SLC28A1: variants seen among roughly 807,000 people sequenced by gnomAD.
SLC28A1 encodes sodium/nucleoside cotransporter 1.
Under a neutral mutation model 74.8 loss-of-function variants are expected in SLC28A1, and 64 were observed. The observed-to-expected ratio is 0.86, with a 90% CI of 0.70 to 1.05. The LOEUF is 1.05. Ranked by LOEUF, SLC28A1 falls within the 50% of genes least tolerant of loss-of-function variation. The pLI, the probability that SLC28A1 is intolerant of heterozygous loss-of-function variation, is 0.00. For missense variants in SLC28A1, 828 were observed against 822.8 expected (o/e 1.01, Z -0.08); for synonymous variants, 359 against 335.0 (o/e 1.07, Z -0.78).
At chr15:84,889,724 C>T (rs1309429170) in intron 4 of SLC28A1, among the ~76,000 whole-genome samples, 2 of 79,516 alleles carry the variant, frequency 2.5e-5, no homozygotes, top group South Asian at 9.9e-4. Flanking sequence ...TTCCTTCCTT[C>T]CTTCCTTCCT....
chr15:84,949,700 T>C (rs903207949), downstream of SLC28A1, among the ~76,000 whole-genome samples: 4 of 151,834 alleles, frequency 2.6e-5, no homozygotes, highest in Non-Finnish European at 4.4e-5. Context: ...TTTGAGCCAC[T>C]GTGCCCAGCC....
At chr15:84,937,140 G>GT (rs564640768) in intron 15 of SLC28A1, among the ~76,000 whole-genome samples, 4,823 of 145,010 alleles carry the variant, frequency 0.033, 95 homozygotes, top group South Asian at 0.096. Context: ...TTGTTTTTTT[G>GT]TTTTTTTTTT....
At chr15:84,964,993 G>A in the SLC28A1 span, among the ~76,000 whole-genome samples, 1 of 152,200 alleles carries the variant, frequency 6.6e-6, no homozygotes, top group East Asian at 1.9e-4. Flanking sequence ...AAGATCCTCA[G>A]TATGGAATGC....
At chr15:84,944,734 A>G (rs199938160) in intron 17 of SLC28A1, 22 bp from the exon 18 acceptor site, 8 of 1,517,888 alleles carry the variant, frequency 5.3e-6, no homozygotes, top group Non-Finnish European at 7.3e-6. Flanking sequence ...GCCCTGCCCC[A>G]CCCACCACTT....
intron 9 of SLC28A1, among the ~76,000 whole-genome samples, chr15:84,913,693 A>T (rs1193747410): frequency 1.3e-5 from 2 of 152,204 alleles, no homozygotes; most frequent in Non-Finnish European, 1.5e-5. Flanking sequence ...CTCCAAAGCC[A>T]TTTCTACAAG....
intron 5 of SLC28A1, among the ~76,000 whole-genome samples, chr15:84,892,520 C>T (rs1446073851): frequency 1.3e-5 from 2 of 152,176 alleles, no homozygotes; most frequent in Non-Finnish European, 2.9e-5. Flanking sequence ...AAAATTACCC[C>T]ACTCATCCTA....
chr15:84,944,421 C>A, intron 16 of SLC28A1, 145 bp from the exon 17 acceptor site: 1 of 705,086 alleles, frequency 1.4e-6, no homozygotes, highest in Admixed American at 2.0e-5. Flanking sequence ...CTGAGCTCAG[C>A]AAGCTGTCAG....
intron 5 of SLC28A1, among the ~76,000 whole-genome samples, chr15:84,891,127 G>A (rs1008831162): frequency 6.6e-6 from 1 of 152,174 alleles, no homozygotes; most frequent in Non-Finnish European, 1.5e-5. Flanking sequence ...GAGAGCCACT[G>A]AAGGTTTTGA....
At chr15:84,888,205 T>C (rs1345236794) in intron 3 of SLC28A1, among the ~76,000 whole-genome samples, 1 of 152,030 alleles carries the variant, frequency 6.6e-6, no homozygotes, top group Non-Finnish European at 1.5e-5. Context: ...GGGGGGTCTC[T>C]AAGGAAATCT....
intron 1 of SLC28A1, chr15:84,885,998 A>G: frequency 3.3e-6 from 1 of 305,042 alleles, no homozygotes; most frequent in Non-Finnish European, 4.8e-6. Context: ...TATGCATCAT[A>G]GAGGATTTTG....
In SLC28A1 at chr15:84,924,067, C is replaced by T; in HGVS notation, c.1040C>T (p.Ala347Val). 1.2e-6 allele frequency: 2 copies of T among 1,613,986 alleles called. No individual in the cohort carries two copies. Among genetic ancestry groups the T allele is most frequent in the Middle Eastern group, 1.6e-4 (1 of 6,062 alleles). Residue 347 changes from alanine to valine, a missense_variant, in exon 12 of 19, where the codon GCC becomes GTC. Around this residue, in one of 3 missense-constraint regions of SLC28A1, gnomAD observed 767 missense variants for 753.5 expected, o/e 1.02. Transcript: ENST00000394573. ...EVHVVMTGGYATIAGSLLGAY... is the reference protein window; with the variant it reads ...EVHVVMTGGYVTIAGSLLGAY... ...CACGTTGTCATGACCGGAGGTTACG[C>T]CACCATTGCTGGCAGCCTGCTGGGT...
intron 8 of SLC28A1, among the ~76,000 whole-genome samples, chr15:84,906,408 T>C (rs1277707464): frequency 6.6e-6 from 1 of 152,104 alleles, no homozygotes; most frequent in Non-Finnish European, 1.5e-5. Flanking sequence ...GTTGACATCC[T>C]GGGCTCAAGT....
intron 10 of SLC28A1, among the ~76,000 whole-genome samples, chr15:84,919,513 C>T (rs1364492671): frequency 6.6e-6 from 1 of 152,166 alleles, no homozygotes; most frequent in African/African-American, 2.4e-5. Context: ...AGATTGAAAC[C>T]TTGGCTGGGA....
chr15:84,905,607 A>G lies in SLC28A1; in HGVS notation c.672A>G (p.Thr224=). The stretch of plus-strand genomic sequence containing the variant: ...TACTTGGACTCCTCGTCATCAGAAC[A>G]GAACCAGGATTCATTGCGTTCGAGT... ...QFVLGLLVIR[T]EPGFIAFEWL... is the part of the protein sequence containing the mutation. Residue 224 remains threonine, a synonymous_variant, in exon 8 of 19, where the codon ACA becomes ACG. Transcript: ENST00000394573. 6.2e-7 allele frequency: 1 copy of G among 1,614,182 alleles called. No homozygotes were observed. The highest frequency in any genetic ancestry group is 8.5e-7 in the Non-Finnish European group (1 of 1,180,016).
At chr15:84,920,703 G>GGGGTGTGTGTGTGTGTGTGTGTGTGT in intron 10 of SLC28A1, among the ~76,000 whole-genome samples, 2 of 137,400 alleles carry the variant, frequency 1.5e-5, no homozygotes, top group Middle Eastern at 8.3e-3. Flanking sequence ...ATCTCCAAGG[G>GGGGTGTGTGTGTGTGTGTGTGTGTGT]GTGTGTGTGT....
At chr15:84,888,377 G>A (rs1028303952) in intron 3 of SLC28A1, among the ~76,000 whole-genome samples, 1 of 151,852 alleles carries the variant, frequency 6.6e-6, no homozygotes, top group African/African-American at 2.4e-5. Context: ...CTCCTTTCAC[G>A]CTGTCATATG....
At position 84,945,153 on chromosome 15, in the gene SLC28A1, C is replaced by G. The variant is rs17222421; in HGVS notation, c.1903C>G (p.Leu635Val). The part of the protein sequence containing the change: ...SVNPEFSPEA[L>V]DNCCRFYNHT... ...CAATCCAGAGTTCAGCCCAGAGGCC[C>G]TGGACAACTGCTGTCGGTTTTACAA... Residue 635 changes from leucine (L) to valine (V), a missense_variant, in exon 19 of 19, where the codon CTG becomes GTG. Around this residue, in one of 3 missense-constraint regions of SLC28A1, gnomAD observed 53 missense variants for 44.5 expected, o/e 1.19. Transcript: ENST00000394573. 3.6e-5 allele frequency: 58 copies of G among 1,614,104 alleles called. 1 individual carries two copies. The East Asian group carries it at 1.3e-3, about 36-fold the overall frequency.
intron 8 of SLC28A1, among the ~76,000 whole-genome samples, chr15:84,906,481 C>T (rs66772726): frequency 0.27 from 40,384 of 147,870 alleles, 6,156 homozygotes; most frequent in South Asian, 0.45. Context: ...AGCCACCATG[C>T]CAAGCTAATT....
chr15:84,895,950 G>C (rs2141694697), intron 6 of SLC28A1: 1 of 985,022 alleles, frequency 1.0e-6, no homozygotes, highest in East Asian at 1.1e-4. Context: ...ATTTGAGCCA[G>C]CCTGTGGATG....
Sources: allele counts gnomAD v4.1 joint callset (sites outside exome capture counted in the v4.1 genomes callset), GRCh38; gene constraint gnomAD v4.1.1; regional missense constraint gnomAD v4.1.1; transcripts MANE v1.5; gene names NCBI Gene and HGNC (gene_info 2026-07-23, HGNC 2026-07-21).